The following RORA variants were observed in gnomAD, a reference collection of about 807,000 sequenced individuals.
RORA encodes RAR related orphan receptor A, also known as nuclear receptor ROR-alpha.
A neutral mutation model predicts 69.5 loss-of-function variants in RORA; 7 were observed. The observed-to-expected ratio is 0.10, with a 90% CI of 0.06 to 0.19. RORA has a LOEUF of 0.19. Among genes scored for constraint, RORA ranks in the 10% least tolerant of loss-of-function variants. The pLI, the probability that RORA is intolerant of heterozygous loss-of-function variation, is 1.00. For synonymous variants in RORA, 261 were observed against 240.8 expected, an observed-to-expected ratio of 1.08 and a Z score of -0.78; for missense variants, 457 against 663.0, an observed-to-expected ratio of 0.69 and a Z score of 3.41.
chr15:61,202,356 A>G (rs746881174), intron 1 of RORA, among the ~76,000 whole-genome samples: 3 of 152,206 alleles, frequency 2.0e-5, no homozygotes, highest in East Asian at 1.9e-4. Context: ...TCTTAAAAAC[A>G]TAAGGTTTTT....
intron 1 of RORA, 26 bp downstream of exon 1, chr15:61,229,027 T>C: frequency 7.6e-7 from 1 of 1,319,932 alleles, no homozygotes; most frequent in African/African-American, 1.5e-5. Flanking sequence ...CGCCGCCCCC[T>C]CCCCAGCCCC....
intron 1 of RORA, among the ~76,000 whole-genome samples, chr15:60,893,300 T>G (rs965861119): frequency 5.9e-5 from 9 of 152,238 alleles, no homozygotes; most frequent in Non-Finnish European, 1.3e-4. Flanking sequence ...TCACCTCTGC[T>G]GTGTTTTTAG....
intron 2 of RORA, among the ~76,000 whole-genome samples, chr15:60,650,357 G>A (rs950024900): frequency 1.3e-5 from 2 of 152,172 alleles, no homozygotes; most frequent in Non-Finnish European, 2.9e-5. Context: ...TTACGCTGCT[G>A]GCTTTTATGC....
chr15:60,815,211 C>T (rs1293246259), intron 1 of RORA, among the ~76,000 whole-genome samples: 2 of 152,132 alleles, frequency 1.3e-5, no homozygotes, highest in East Asian at 3.9e-4. Context: ...TCCATGGGCA[C>T]AAAATTATGT....
intron 1 of RORA, among the ~76,000 whole-genome samples, chr15:60,925,824 T>A (rs1855890138): frequency 6.6e-6 from 1 of 152,202 alleles, no homozygotes; most frequent in Non-Finnish European, 1.5e-5. Flanking sequence ...ACAGTGCCTG[T>A]AATAATGCAG....
At chr15:60,819,208 C>T (rs975987984) in intron 1 of RORA, among the ~76,000 whole-genome samples, 1 of 152,178 alleles carries the variant, frequency 6.6e-6, no homozygotes, top group African/African-American at 2.4e-5. Flanking sequence ...TCCTTCACCA[C>T]CATAATGAGG....
intron 1 of RORA, among the ~76,000 whole-genome samples, chr15:61,212,690 C>T (rs1243779593): frequency 6.6e-6 from 1 of 152,174 alleles, no homozygotes; most frequent in Non-Finnish European, 1.5e-5. Flanking sequence ...CCATGCCAGG[C>T]CCATTCTTAC....
chr15:60,581,361 T>C (rs1021594808), intron 2 of RORA, among the ~76,000 whole-genome samples: 1 of 152,216 alleles, frequency 6.6e-6, no homozygotes, highest in Admixed American at 6.5e-5. Flanking sequence ...AGATTTTGCT[T>C]GTGGTAGAAA....
intron 1 of RORA, among the ~76,000 whole-genome samples, chr15:61,117,476 C>T (rs1021640719): frequency 5.3e-5 from 8 of 152,188 alleles, no homozygotes; most frequent in African/African-American, 1.9e-4. Context: ...TGCCTAAGTA[C>T]CTCCCAAAGT....
chr15:60,891,825 C>G lies in RORA; in HGVS notation c.167-213139G>C, dbSNP rs193114214. Among the ~76,000 whole-genome samples the G allele has an allele frequency of 9.1e-4, 139 of 152,338 alleles. No homozygotes were observed. The East Asian group carries it at 0.01, about 11-fold the overall frequency. ...GTGCTAAGAAAATCCTTTCTCCCTTCTCCTAAAAATGTATCTCATTTTCCA... is the reference window on the plus strand; with the variant it reads ...GTGCTAAGAAAATCCTTTCTCCCTTGTCCTAAAAATGTATCTCATTTTCCA... On this transcript the variant is annotated intron_variant, in intron 1 of 10. Transcript: ENST00000335670.
At chr15:60,598,681 A>T (rs2068751290) in intron 2 of RORA, among the ~76,000 whole-genome samples, 2 of 152,212 alleles carry the variant, frequency 1.3e-5, no homozygotes, top group South Asian at 4.1e-4. Context: ...ATTAGTAGTT[A>T]AGTTATGGGG....
At chr15:60,519,341 T>C (rs1185864501) in intron 3 of RORA, among the ~76,000 whole-genome samples, 2 of 152,234 alleles carry the variant, frequency 1.3e-5, no homozygotes, top group Non-Finnish European at 2.9e-5. Context: ...GGGCAAATCC[T>C]ATCATTCCCC....
At chr15:60,573,887 G>A (rs1277726797) in intron 2 of RORA, among the ~76,000 whole-genome samples, 2 of 152,154 alleles carry the variant, frequency 1.3e-5, no homozygotes, top group Non-Finnish European at 2.9e-5. Flanking sequence ...CCTGGCCTGT[G>A]AGCTCCTTGA....
intron 1 of RORA, among the ~76,000 whole-genome samples, chr15:61,156,125 C>T (rs529073331): frequency 1.1e-4 from 16 of 152,108 alleles, no homozygotes; most frequent in Non-Finnish European, 1.9e-4. Context: ...TGTTCCTACT[C>T]TTTACTGGGT....
intron 1 of RORA, among the ~76,000 whole-genome samples, chr15:61,154,481 G>C (rs2079425236): frequency 6.6e-6 from 1 of 152,106 alleles, no homozygotes. Flanking sequence ...CCGGGCAAGA[G>C]ATCCTTGGAA....
chr15:60,651,626 A>G (rs2070143819), intron 2 of RORA, among the ~76,000 whole-genome samples: 1 of 152,124 alleles, frequency 6.6e-6, no homozygotes, highest in Non-Finnish European at 1.5e-5. Context: ...CCCTTCCCCC[A>G]TAACATCAAT....
In RORA at chr15:60,500,826, C is replaced by T. The variant is rs2065309056; in HGVS notation, c.1294+133G>A. On this transcript the variant is annotated intron_variant, in intron 9 of 10. Transcript: ENST00000335670. The stretch of plus-strand genomic sequence containing the variant: ...AGGGTGTTATTTGAAGACTTAAAAT[C>T]CAATTTAATAAGGGTGGAGACCTCT... 7.9e-6 allele frequency: 4 copies of T among 503,830 alleles called. No homozygotes were observed. In the South Asian group the frequency reaches 1.4e-4, roughly 18 times the overall value. 31.2% of individuals were successfully genotyped at this position (503,830 alleles called of 1,614,324 possible).
At chr15:60,880,350 T>G (rs560879180) in intron 1 of RORA, among the ~76,000 whole-genome samples, 14 of 152,208 alleles carry the variant, frequency 9.2e-5, no homozygotes, top group Non-Finnish European at 2.1e-4. Context: ...GTCAAAAACC[T>G]TTGAATTTCA....
rs1323910293 is a variant in RORA, at chr15:60,491,124, G to T, written c.*6331C>A. 2.0e-5 allele frequency: 3 copies of T among 152,098 alleles called. No individual in the cohort carries two copies. Among genetic ancestry groups the T allele is most frequent in the African/African-American group, 7.2e-5 (3 of 41,416 alleles). The allele number at this position is 152,098 out of a possible 1,614,324, so 9.4% of individuals were successfully genotyped here. On this transcript the variant is annotated 3_prime_UTR_variant, in exon 11 of 11. Coordinates refer to ENST00000335670, the MANE Select transcript of RORA (RefSeq NM_134261.3). The stretch of plus-strand genomic sequence containing the variant: ...CAGGAAGATGTATACAGTACATATG[G>T]ATTTTTTTTGTGAAATCATTTTCAC...
Sources: gnomAD v4.1 joint callset for allele counts (sites outside exome capture counted in the v4.1 genomes callset) on GRCh38, gnomAD v4.1.1 for gene constraint, MANE v1.5 for transcripts, NCBI Gene and HGNC (gene_info 2026-07-23, HGNC 2026-07-21) for gene names.